Variants in TNNI3K observed in about 807,000 individuals in gnomAD.
TNNI3K encodes serine/threonine-protein kinase TNNI3K.
Under a neutral mutation model 114.5 loss-of-function variants are expected in TNNI3K, and 140 were observed. The ratio of observed to expected loss-of-function variants is 1.22; its 90% CI spans 1.07 to 1.41. The LOEUF (loss-of-function observed/expected upper bound fraction) is 1.41, where lower values mean the gene tolerates loss of function less well. TNNI3K is among the 40% of genes most tolerant of loss of function. TNNI3K has a pLI of 0.00. For synonymous variants in TNNI3K, 347 were observed against 347.5 expected, an observed-to-expected ratio of 1.00 and a Z score of 0.02; for missense variants, 1,125 against 1,007.6, an observed-to-expected ratio of 1.12 and a Z score of -1.58.
chr1:74,445,219 T>G (rs1022206780), intron 20 of TNNI3K, among the ~76,000 whole-genome samples: 20 of 65,438 alleles, frequency 3.1e-4, no homozygotes, highest in Admixed American at 6.7e-4. Flanking sequence ...TTTTTTTTCT[T>G]TCTTTTTTTT....
intron 23 of TNNI3K, among the ~76,000 whole-genome samples, chr1:74,495,214 T>A (rs1669267925): frequency 6.6e-6 from 1 of 152,226 alleles, no homozygotes; most frequent in South Asian, 2.1e-4. Context: ...CCTGAGGATT[T>A]GCTGTGAGCG....
At chr1:74,236,371 A>T (rs1653861054) in intron 2 of TNNI3K, among the ~76,000 whole-genome samples, 161 bp downstream of exon 2, 2 of 151,782 alleles carry the variant, frequency 1.3e-5, no homozygotes, top group South Asian at 4.1e-4. Flanking sequence ...CCACTCATAT[A>T]GCTCTCAAAA....
intron 23 of TNNI3K, among the ~76,000 whole-genome samples, chr1:74,502,112 G>A (rs969849576): frequency 1.1e-4 from 17 of 152,174 alleles, no homozygotes; most frequent in Admixed American, 3.9e-4. Flanking sequence ...CATGCTATAG[G>A]TCAACAAGAG....
At chr1:74,266,484 C>T (rs1655996939) in intron 4 of TNNI3K, among the ~76,000 whole-genome samples, 2 of 151,876 alleles carry the variant, frequency 1.3e-5, no homozygotes, top group Non-Finnish European at 2.9e-5. Flanking sequence ...CACCCAGGTT[C>T]AAGGGGAAGG....
chr1:74,411,500 G>A (rs1664878062), intron 17 of TNNI3K, among the ~76,000 whole-genome samples: 1 of 152,084 alleles, frequency 6.6e-6, no homozygotes, highest in African/African-American at 2.4e-5. Flanking sequence ...GTACATTGAA[G>A]AAGGACCCCC....
At position 74,419,923 on chromosome 1, in the gene TNNI3K, A is replaced by G. The variant is rs147272826; in HGVS notation, c.1773-16157A>G. 3.0e-3 allele frequency among the ~76,000 whole-genome samples: 453 copies of G among 152,248 alleles called. 2 individuals are homozygous for G. The highest frequency in any genetic ancestry group is 0.01 in the African/African-American group (427 of 41,576). ...AGATACATAAATATTGTATTCACAG[A>G]TTTCATAATGTATTAAGAGGGTGTG... On this transcript the variant is annotated intron_variant, in intron 17 of 24. Transcript: ENST00000326637.
chr1:74,514,347 A>G (rs1008863697), intron 23 of TNNI3K, among the ~76,000 whole-genome samples: 1 of 152,196 alleles, frequency 6.6e-6, no homozygotes, highest in African/African-American at 2.4e-5. Flanking sequence ...GCTTTTGGCA[A>G]TTTGTGTGAT....
chr1:74,241,421 T>C (rs948568866), intron 2 of TNNI3K, among the ~76,000 whole-genome samples: 3 of 152,294 alleles, frequency 2.0e-5, no homozygotes, highest in Non-Finnish European at 2.9e-5. Context: ...TCCTATTTCT[T>C]CACATCCTCT....
At chr1:74,307,575 C>T (rs1475423326) in intron 5 of TNNI3K, among the ~76,000 whole-genome samples, 1 of 152,138 alleles carries the variant, frequency 6.6e-6, no homozygotes, top group Non-Finnish European at 1.5e-5. Context: ...TTCAAATCAA[C>T]AATAAGTTTT....
At position 74,256,283 on chromosome 1, in the gene TNNI3K, CTTTTTTTTTTTTTTTTTTTTTT is replaced by C. The variant is rs61636791; in HGVS notation, c.333+5526_333+5547del. 6.3e-4 allele frequency among the ~76,000 whole-genome samples: 27 copies of C among 42,814 alleles called. 1 individual carries two copies. In the South Asian group the frequency reaches 0.033, roughly 52 times the overall value. 28.1% of individuals were successfully genotyped at this position (42,814 alleles called of 152,430 possible). A position where few individuals can be genotyped will look rare whatever the true frequency, so the allele number is the denominator to read the frequency against. On this transcript the variant is annotated intron_variant, in intron 4 of 24. Transcript: ENST00000326637. ...CTTTCCGGCACTTGGTGTGGTCAGT[CTTTTTTTTTTTTTTTTTTTTTT>C]TTTTTTTTTTTGGCTATTCTATTGG...
At chr1:74,248,387 A>T (rs1180085732) in intron 2 of TNNI3K, among the ~76,000 whole-genome samples, 1 of 152,136 alleles carries the variant, frequency 6.6e-6, no homozygotes, top group African/African-American at 2.4e-5. Flanking sequence ...GGGCTCCTCA[A>T]GTGCAGCCAG....
chr1:74,324,161 C>T (rs1435328176), intron 5 of TNNI3K, among the ~76,000 whole-genome samples: 8 of 152,222 alleles, frequency 5.3e-5, no homozygotes, highest in Non-Finnish European at 8.8e-5. Flanking sequence ...AGCCAAATAC[C>T]TAAGTGTCCA....
chr1:74,272,009 C>T (rs1255680972), intron 5 of TNNI3K, among the ~76,000 whole-genome samples: 1 of 151,950 alleles, frequency 6.6e-6, no homozygotes, highest in Non-Finnish European at 1.5e-5. Context: ...AATCTCATGA[C>T]CTCCCTCTTT....
chr1:74,436,990 C>T (rs569279283), intron 19 of TNNI3K, among the ~76,000 whole-genome samples: 1 of 152,050 alleles, frequency 6.6e-6, no homozygotes, highest in South Asian at 2.1e-4. Flanking sequence ...ATAACTGAAG[C>T]AAGGATAATT....
chr1:74,338,574 A>T (rs946047620), intron 7 of TNNI3K, among the ~76,000 whole-genome samples: 11 of 152,032 alleles, frequency 7.2e-5, no homozygotes, highest in South Asian at 2.1e-4. Flanking sequence ...GGAACAATAC[A>T]CATTTCCAAA....
Position 74,249,544 on chromosome 1 carries a change from G to A in TNNI3K, c.235G>A (p.Gly79Ser), listed in dbSNP as rs1388062726. The change falls in exon 3 of 25, where the codon GGC (glycine) becomes AGC (serine). Residue 79 changes from glycine to serine, a missense_variant and splice_region_variant. Gly to Ser is a moderately conservative substitution (Grantham distance 56). Transcript: ENST00000326637. ...SLLHLCCICGGKKSHIRTLML... is the reference protein window; with the variant it reads ...SLLHLCCICGSKKSHIRTLML... ...ACTTCATTTATGTTGCATTTGTGGAGGTGAGTACTTGAAACTTAGTACTTC... is the reference window on the plus strand; with the variant it reads ...ACTTCATTTATGTTGCATTTGTGGAAGTGAGTACTTGAAACTTAGTACTTC... 7 of 1,612,920 alleles carry A rather than the reference G, an allele frequency of 4.3e-6. No homozygotes were observed. In the Middle Eastern group the frequency reaches 6.6e-4, roughly 152 times the overall value.
At chr1:74,416,866 G>A (rs1055959440) in intron 17 of TNNI3K, among the ~76,000 whole-genome samples, 1 of 151,624 alleles carries the variant, frequency 6.6e-6, no homozygotes, top group Admixed American at 6.6e-5. Context: ...TATCTTTGTG[G>A]AAGACTCCAT....
intron 18 of TNNI3K, 135 bp from the exon 19 acceptor site, chr1:74,436,339 A>C: frequency 8.2e-7 from 1 of 1,224,914 alleles, no homozygotes; most frequent in Non-Finnish European, 1.1e-6. Flanking sequence ...CTTCTTTCTT[A>C]TCTCCAGCCA....
At chr1:74,541,155 T>C (rs1345836337) in intron 24 of TNNI3K, among the ~76,000 whole-genome samples, 1 of 152,102 alleles carries the variant, frequency 6.6e-6, no homozygotes, top group Non-Finnish European at 1.5e-5. Context: ...AAGAGCTGGG[T>C]TTGGGAAAGA....
Sources: allele counts gnomAD v4.1 joint callset (sites outside exome capture counted in the v4.1 genomes callset), GRCh38; gene constraint gnomAD v4.1.1; transcripts MANE v1.5; gene names NCBI Gene and HGNC (gene_info 2026-07-23, HGNC 2026-07-21).